Variants in AOPEP observed in about 807,000 individuals in gnomAD.
The protein encoded by AOPEP is aminopeptidase O (putative).
A neutral mutation model predicts 98.1 loss-of-function variants in AOPEP; 77 were observed. That is an observed-to-expected ratio of 0.78 (90% CI 0.65 to 0.95). AOPEP has a LOEUF of 0.95. Ranked by LOEUF, AOPEP falls within the 40% of genes least tolerant of loss-of-function variation. AOPEP has a pLI of 0.00. For synonymous variants in AOPEP, 346 were observed against 365.3 expected (o/e 0.95, Z 0.60); for missense variants, 1,024 against 1,024.7 (o/e 1.00, Z 0.01).
intron 13 of AOPEP, among the ~76,000 whole-genome samples, chr9:95,025,367 G>A (rs2063762428): frequency 6.6e-6 from 1 of 152,192 alleles, no homozygotes; most frequent in Admixed American, 6.5e-5. Context: ...CACTGCAGAC[G>A]TGGCCCATTG....
intron 14 of AOPEP, among the ~76,000 whole-genome samples, chr9:95,064,407 T>G (rs957423600): frequency 6.6e-6 from 1 of 152,218 alleles, no homozygotes. Context: ...CAGTTCTGCC[T>G]CAGCCTCCCG....
intron 10 of AOPEP, among the ~76,000 whole-genome samples, chr9:94,977,307 C>G (rs2059911079): frequency 6.6e-6 from 1 of 152,052 alleles, no homozygotes; most frequent in African/African-American, 2.4e-5. Context: ...GGGTCAGGTT[C>G]CTGCCTGCAA....
chr9:94,860,806 T>G (rs1040107951), intron 5 of AOPEP, among the ~76,000 whole-genome samples: 1 of 152,144 alleles, frequency 6.6e-6, no homozygotes, highest in African/African-American at 2.4e-5. Context: ...AAGAAGCCAC[T>G]TAGCACAGTG....
Position 94,976,828 on chromosome 9 carries a change from A to T in AOPEP, c.1917-2539A>T, listed in dbSNP as rs545062623. ...ACTATATGCACATGCCACCATGCCCAGCTAATTTTTTTATTTTTAGTAGAG... is the reference window on the plus strand; with the variant it reads ...ACTATATGCACATGCCACCATGCCCTGCTAATTTTTTTATTTTTAGTAGAG... On this transcript the variant is annotated intron_variant, in intron 10 of 16. Coordinates refer to ENST00000375315, the MANE Select transcript of AOPEP (RefSeq NM_001193329.3). Among the ~76,000 whole-genome samples the T allele has an allele frequency of 5.9e-5, 9 of 152,066 alleles. No individual in the cohort carries two copies. In the South Asian group the frequency reaches 8.3e-4, roughly 14 times the overall value.
downstream of AOPEP, among the ~76,000 whole-genome samples, chr9:95,089,999 CA>C (rs2070844039): frequency 6.6e-6 from 1 of 152,248 alleles, no homozygotes; most frequent in African/African-American, 2.4e-5. Context: ...CACCTGCTCA[CA>C]AGGGGCTTTC....
intron 4 of AOPEP, 31 bp from the exon 5 acceptor site, chr9:94,800,726 T>A (rs771755106): frequency 6.2e-7 from 1 of 1,610,260 alleles, no homozygotes; most frequent in Admixed American, 1.7e-5. Context: ...ATAATAAACA[T>A]GTTTTACCAT....
chr9:94,865,319 G>A (rs1307994808), intron 5 of AOPEP, among the ~76,000 whole-genome samples: 1 of 152,174 alleles, frequency 6.6e-6, no homozygotes, highest in African/African-American at 2.4e-5. Flanking sequence ...TTTGTTAAGA[G>A]CATCGCAGCT....
At chr9:95,117,176 T>C in the AOPEP span, 2 of 775,812 alleles carry the variant, frequency 2.6e-6, no homozygotes, top group East Asian at 5.4e-5. Context: ...TGTGGGATCC[T>C]GGGGGCTTAA....
chr9:94,966,303 A>C (rs996338429), intron 9 of AOPEP, among the ~76,000 whole-genome samples: 17 of 151,890 alleles, frequency 1.1e-4, no homozygotes, highest in Admixed American at 8.5e-4. Context: ...TTCGGTCTGC[A>C]GTTCACTGGG....
intron 2 of AOPEP, among the ~76,000 whole-genome samples, chr9:94,761,880 T>A (rs1037365605): frequency 6.6e-6 from 1 of 152,190 alleles, no homozygotes; most frequent in African/African-American, 2.4e-5. Context: ...TCACACTTTT[T>A]TGAGATTATT....
intron 16 of AOPEP, 70 bp downstream of exon 16, chr9:95,082,789 A>G: frequency 6.4e-7 from 1 of 1,552,650 alleles, no homozygotes; most frequent in Non-Finnish European, 8.8e-7. Context: ...CAACTAAATC[A>G]GTAAGCCGAA....
At position 94,899,179 on chromosome 9, in the gene AOPEP, C is replaced by CTTTTTTTTTTTT. The variant is rs1164742981; in HGVS notation, c.1365-24795_1365-24784dup. Reference sequence around the variant, plus strand: ...GGAAGATAATTTGCCTCTTCATTTGCTTTTTTTTTTTTTTTTTTTTTTTGA... The same window carrying CTTTTTTTTTTTT: ...GGAAGATAATTTGCCTCTTCATTTGCTTTTTTTTTTTTTTTTTTTTTTTTTTTTTTTTTTTGA... On this transcript the variant is annotated intron_variant, in intron 5 of 16. Transcript: ENST00000375315. Among the ~76,000 whole-genome samples the CTTTTTTTTTTTT allele has an allele frequency of 7.0e-4, 42 of 59,748 alleles. 4 individuals carry two copies. The highest frequency in any genetic ancestry group is 2.4e-3 in the African/African-American group (32 of 13,418). 39.2% of individuals were successfully genotyped at this position (59,748 alleles called of 152,430 possible).
chr9:95,083,673 C>T lies in AOPEP; in HGVS notation c.*4+954C>T, dbSNP rs114204390. On this transcript the variant is annotated intron_variant, in intron 16 of 16. Coordinates refer to ENST00000375315, the MANE Select transcript of AOPEP (RefSeq NM_001193329.3). The stretch of plus-strand genomic sequence containing the variant: ...GCGCGTGCACCACACAGAGCACCTG[C>T]GGCACACACAGCACACACCGCACGC... 2.1e-4 allele frequency among the ~76,000 whole-genome samples: 31 copies of T among 150,948 alleles called. No homozygotes were observed. In the South Asian group the frequency reaches 4.4e-3, roughly 21 times the overall value.
intron 7 of AOPEP, among the ~76,000 whole-genome samples, chr9:94,944,529 T>C (rs1745583990): frequency 6.6e-6 from 1 of 152,200 alleles, no homozygotes; most frequent in African/African-American, 2.4e-5. Flanking sequence ...CTGTCCACAA[T>C]AGGCAAATCC....
intron 5 of AOPEP, among the ~76,000 whole-genome samples, chr9:94,837,451 A>G (rs1407009213): frequency 4.6e-5 from 7 of 152,172 alleles, no homozygotes; most frequent in Non-Finnish European, 1.0e-4. Context: ...GGACATAACA[A>G]AAAAAGATAT....
At chr9:95,088,895 G>A (rs2070826244), downstream of AOPEP, among the ~76,000 whole-genome samples, 2 of 152,214 alleles carry the variant, frequency 1.3e-5, no homozygotes, top group Non-Finnish European at 2.9e-5. Flanking sequence ...CATCAGAACC[G>A]GACATTGCTG....
At chr9:95,094,076 CTT>C in the AOPEP span, among the ~76,000 whole-genome samples, 1 of 152,156 alleles carries the variant, frequency 6.6e-6, no homozygotes, top group Admixed American at 6.5e-5. Context: ...TGCTCTTCTC[CTT>C]TCTCTCCCTT....
chr9:95,108,723 A>G, the AOPEP span, among the ~76,000 whole-genome samples: 1 of 152,244 alleles, frequency 6.6e-6, no homozygotes, highest in Non-Finnish European at 1.5e-5. Context: ...CATTAAAATG[A>G]TCTATAACTC....
chr9:94,747,322 T>C (rs1588022537), intron 1 of AOPEP, among the ~76,000 whole-genome samples: 1 of 152,204 alleles, frequency 6.6e-6, no homozygotes, highest in East Asian at 1.9e-4. Flanking sequence ...TTTCATTATG[T>C]TATCTTGCAT....
Sources: allele counts gnomAD v4.1 joint callset (sites outside exome capture counted in the v4.1 genomes callset), GRCh38; gene constraint gnomAD v4.1.1; transcripts MANE v1.5; gene names NCBI Gene and HGNC (gene_info 2026-07-23, HGNC 2026-07-21).